The following GDPD4 variants were observed in gnomAD, a reference collection of about 807,000 sequenced individuals.
GDPD4 encodes the protein glycerophosphodiester phosphodiesterase domain containing 4.
GDPD4 carries 60 observed loss-of-function variants against 67.8 expected under a neutral mutation model. That is an observed-to-expected ratio of 0.88 (90% CI 0.72 to 1.10). The LOEUF (loss-of-function observed/expected upper bound fraction) is 1.10. Ranked by LOEUF, GDPD4 falls within the 50% of genes least tolerant of loss-of-function variation. The probability of loss-of-function intolerance (pLI) is 0.00; values close to 1 mark genes in which losing one functional copy is unlikely to be tolerated. For synonymous variants in GDPD4, 212 were observed against 210.9 expected (o/e 1.00, Z -0.04); for missense variants, 623 against 613.9 (o/e 1.01, Z -0.16).
rs748200797 is a variant in GDPD4, at chr11:77,273,874, C to T, written c.207+2287G>A. Among the ~76,000 whole-genome samples, 13 of 152,176 alleles carry T rather than the reference C, an allele frequency of 8.5e-5. No individual in the cohort carries two copies. The East Asian group carries it at 1.9e-3, about 22-fold the overall frequency. On this transcript the variant is annotated intron_variant, in intron 5 of 16. Transcript: ENST00000315938. ...GTGTTCTCTGGGAGGTCTCAGAAGA[C>T]GCTGGTGAGGAAAGTGTCAGCATCC...
intron 1 of GDPD4, among the ~76,000 whole-genome samples, chr11:77,287,837 C>T (rs545833476): frequency 2.6e-5 from 4 of 152,324 alleles, no homozygotes; most frequent in African/African-American, 9.6e-5. Context: ...GACTCAGACA[C>T]ACAGCTGGCT....
chr11:77,228,499 CAAAAAAAAAAAAA>C (rs58364800), intron 15 of GDPD4, among the ~76,000 whole-genome samples: 8 of 26,642 alleles, frequency 3.0e-4, no homozygotes, highest in Admixed American at 7.3e-4. Flanking sequence ...GACTCCGTCT[CAAAAAAAAAAAAA>C]AAAAAAAAAA....
intron 5 of GDPD4, among the ~76,000 whole-genome samples, chr11:77,275,318 TGCCTGC>T: frequency 6.6e-6 from 1 of 152,218 alleles, no homozygotes; most frequent in Non-Finnish European, 1.5e-5. Context: ...ATATGCTGCA[TGCCTGC>T]AGATGGTGGG....
At chr11:77,274,709 G>C (rs1025679207) in intron 5 of GDPD4, among the ~76,000 whole-genome samples, 4 of 152,144 alleles carry the variant, frequency 2.6e-5, no homozygotes, top group Non-Finnish European at 4.4e-5. Context: ...AATGCAAATT[G>C]ACTGATTTAA....
In GDPD4 at chr11:77,220,466, G is replaced by A. The variant is rs1369517981; in HGVS notation, c.1526-3152C>T. On this transcript the variant is annotated intron_variant, in intron 16 of 16. Coordinates refer to ENST00000315938, the MANE Select transcript of GDPD4 (RefSeq NM_182833.3). ...TTTCTGCATCTATTGAGATAATCAC[G>A]TGGTTTTTGTCATTGATTCTGTTTA... is the stretch of plus-strand genomic sequence containing the variant. Among the ~76,000 whole-genome samples, 9 of 152,308 alleles carry A rather than the reference G, an allele frequency of 5.9e-5. No homozygotes were observed. The East Asian group carries it at 1.2e-3, about 20-fold the overall frequency.
intron 11 of GDPD4, among the ~76,000 whole-genome samples, chr11:77,250,165 G>A (rs1356020874): frequency 6.6e-6 from 1 of 152,144 alleles, no homozygotes; most frequent in African/African-American, 2.4e-5. Context: ...GCATGATGCT[G>A]AGATTTGAAG....
chr11:77,259,963 A>G (rs1281971243), intron 10 of GDPD4, among the ~76,000 whole-genome samples: 1 of 152,190 alleles, frequency 6.6e-6, no homozygotes, highest in Non-Finnish European at 1.5e-5. Flanking sequence ...ATCCAGCGAG[A>G]GAGGAGAGTC....
chr11:77,227,786 C>T, intron 16 of GDPD4, 78 bp downstream of exon 16: 1 of 994,704 alleles, frequency 1.0e-6, no homozygotes, highest in Non-Finnish European at 1.6e-6. Flanking sequence ...TTGTCAGGGA[C>T]ATGAAAAGCT....
rs1209674531 is a variant in GDPD4, at chr11:77,233,101, C to T, written c.1313G>A (p.Trp438Ter). 5.6e-6 allele frequency: 9 copies of T among 1,613,868 alleles called. No homozygotes were observed. The highest frequency in any genetic ancestry group is 2.2e-5 in the South Asian group (2 of 91,070). ...GGTCACTGAGTTAATCCTGGAGCAC[C>T]AGGCCAGTGAGAAAAGCCAAGGCTC... Reference protein sequence around the residue: ...VNEPWLFSLAWCSRINSVTTD... With the variant: ...VNEPWLFSLA Residue 438 changes from tryptophan to a stop codon, truncating the protein, a stop_gained, in exon 14 of 17, where the codon TGG (tryptophan) becomes TAG (stop). Coordinates refer to ENST00000315938, the MANE Select transcript of GDPD4 (RefSeq NM_182833.3). LOFTEE classifies it high-confidence loss of function.
At chr11:77,282,642 A>G (rs1336639267) in intron 3 of GDPD4, among the ~76,000 whole-genome samples, 2 of 151,790 alleles carry the variant, frequency 1.3e-5, no homozygotes, top group Admixed American at 6.6e-5. Context: ...CAAGATCATC[A>G]TATCACTGCA....
At chr11:77,223,661 T>C (rs1958270190) in intron 16 of GDPD4, among the ~76,000 whole-genome samples, 1 of 152,198 alleles carries the variant, frequency 6.6e-6, no homozygotes, top group South Asian at 2.1e-4. Flanking sequence ...AGGGACCCAC[T>C]TGAGGAAGCA....
At chr11:77,257,792 T>C (rs1460661256) in intron 11 of GDPD4, among the ~76,000 whole-genome samples, 1 of 152,200 alleles carries the variant, frequency 6.6e-6, no homozygotes, top group East Asian at 1.9e-4. Context: ...ACATCCATTA[T>C]TAGTCTATAC....
At chr11:77,251,218 C>T (rs1238957232) in intron 11 of GDPD4, among the ~76,000 whole-genome samples, 14 of 151,956 alleles carry the variant, frequency 9.2e-5, no homozygotes, top group Non-Finnish European at 1.5e-5. Context: ...TTCTTTGTTT[C>T]TTCTTGTTTT....
At chr11:77,265,377 GAA>G (rs1374387774) in intron 10 of GDPD4, among the ~76,000 whole-genome samples, 1 of 152,116 alleles carries the variant, frequency 6.6e-6, no homozygotes, top group African/African-American at 2.4e-5. Flanking sequence ...ATAGGGCCTA[GAA>G]AAGTTTTAAA....
intron 16 of GDPD4, 139 bp from the exon 17 acceptor site, chr11:77,217,453 A>C (rs1210330380): frequency 4.0e-6 from 3 of 750,330 alleles, no homozygotes; most frequent in African/African-American, 3.4e-5. Context: ...TCTCCCCTCT[A>C]CCTCAGGCTT....
At chr11:77,296,673 G>A (rs1472354692) in intron 1 of GDPD4, among the ~76,000 whole-genome samples, 2 of 151,920 alleles carry the variant, frequency 1.3e-5, no homozygotes, top group Admixed American at 6.6e-5. Context: ...GAGGAAATTG[G>A]TAGAAATTTG....
At chr11:77,282,083 G>A (rs949398895) in intron 3 of GDPD4, among the ~76,000 whole-genome samples, 1 of 152,178 alleles carries the variant, frequency 6.6e-6, no homozygotes, top group African/African-American at 2.4e-5. Context: ...AATATATGAT[G>A]AGAATGGCTT....
intron 11 of GDPD4, among the ~76,000 whole-genome samples, chr11:77,258,026 T>G (rs116564426): frequency 1.3e-3 from 200 of 152,302 alleles, no homozygotes; most frequent in African/African-American, 4.5e-3. Context: ...AAATATTTGT[T>G]GAATGGCAAG....
intron 10 of GDPD4, among the ~76,000 whole-genome samples, chr11:77,259,709 G>C (rs982995698): frequency 1.3e-5 from 2 of 152,138 alleles, no homozygotes; most frequent in African/African-American, 4.8e-5. Flanking sequence ...TTAGAGTAAG[G>C]GGGGAGCCAA....
Sources: gnomAD v4.1 joint callset for allele counts (sites outside exome capture counted in the v4.1 genomes callset) on GRCh38, gnomAD v4.1.1 for gene constraint, MANE v1.5 for transcripts, NCBI Gene and HGNC (gene_info 2026-07-23, HGNC 2026-07-21) for gene names.